TTLL5: variants seen among roughly 807,000 people sequenced by gnomAD.
TTLL5 encodes the protein tubulin polyglutamylase TTLL5.
TTLL5 carries 132 observed loss-of-function variants against 168.4 expected under a neutral mutation model. The ratio of observed to expected loss-of-function variants is 0.78; its 90% CI spans 0.68 to 0.91. The LOEUF (loss-of-function observed/expected upper bound fraction) is 0.91. TTLL5 is among the 40% of genes least tolerant of loss of function. TTLL5 has a pLI of 0.00. For synonymous variants in TTLL5, 546 were observed against 558.6 expected, an observed-to-expected ratio of 0.98 and a Z score of 0.32; for missense variants, 1,545 against 1,581.5, an observed-to-expected ratio of 0.98 and a Z score of 0.39.
chr14:75,694,551 C>G (rs1885694612), intron 6 of TTLL5, among the ~76,000 whole-genome samples: 1 of 152,134 alleles, frequency 6.6e-6, no homozygotes, highest in Non-Finnish European at 1.5e-5. Context: ...CCAGGCTAGT[C>G]TCGAACTCCT....
At position 75,863,678 on chromosome 14, in the gene TTLL5, C is replaced by T. The variant is rs142878395; in HGVS notation, c.3338C>T (p.Thr1113Ile). 6.2e-7 allele frequency: 1 copy of T among 1,609,056 alleles called. No individual in the cohort carries two copies. Among genetic ancestry groups the T allele is most frequent in the African/African-American group, 1.3e-5 (1 of 74,574 alleles). ...GCTTTTCTCTTCAGGAGCCTGCAGA[C>T]AGGGGGATTTGCCTGGGAAGGAGAA... ...SSSPGSRSLQ[T>I]GGFAWEGEVE... The change falls in exon 29 of 32, where the codon ACA becomes ATA. Residue 1113 changes from threonine to isoleucine, a missense_variant. By Grantham distance (89) the Thr-to-Ile change is moderately conservative. Coordinates refer to ENST00000298832, the MANE Select transcript of TTLL5 (RefSeq NM_015072.5).
chr14:75,832,549 C>G (rs181277051), intron 28 of TTLL5, among the ~76,000 whole-genome samples: 2,218 of 152,308 alleles, frequency 0.015, 18 homozygotes, highest in South Asian at 0.026. Flanking sequence ...AAACCAAAGC[C>G]TAATTTTGCT....
At chr14:75,683,775 A>AC in intron 5 of TTLL5, 119 bp downstream of exon 5, 1 of 621,750 alleles carries the variant, frequency 1.6e-6, no homozygotes, top group Non-Finnish European at 2.6e-6. Context: ...AAGAAGAAGG[A>AC]CTTTTTTTTT....
At chr14:75,745,240 G>A (rs748378105) in intron 16 of TTLL5, 32 bp downstream of exon 16, 2 of 1,599,964 alleles carry the variant, frequency 1.3e-6, no homozygotes. Context: ...GCTTTTGTGG[G>A]TTAACACAGG....
At chr14:75,822,345 A>G (rs1345181053) in intron 28 of TTLL5, among the ~76,000 whole-genome samples, 3 of 152,222 alleles carry the variant, frequency 2.0e-5, no homozygotes, top group African/African-American at 7.2e-5. Context: ...TTGGGTAAGC[A>G]TACTTACATA....
intron 24 of TTLL5, 41 bp downstream of exon 24, chr14:75,779,743 G>T: frequency 6.4e-7 from 1 of 1,568,714 alleles, no homozygotes; most frequent in Non-Finnish European, 8.7e-7. Flanking sequence ...AGAAGAACAA[G>T]TGAAGAAATG....
intron 28 of TTLL5, among the ~76,000 whole-genome samples, 182 bp from the exon 29 acceptor site, chr14:75,863,485 T>A (rs147884036): frequency 0.012 from 1,892 of 152,316 alleles, 16 homozygotes; most frequent in Middle Eastern, 0.031. Context: ...AAACAGACCC[T>A]GTCCTTGTCA....
At chr14:75,686,119 C>A (rs986705571) in intron 5 of TTLL5, among the ~76,000 whole-genome samples, 4 of 152,150 alleles carry the variant, frequency 2.6e-5, no homozygotes, top group Admixed American at 2.6e-4. Context: ...GAAATTTGAA[C>A]TGTGGAACAG....
intron 12 of TTLL5, among the ~76,000 whole-genome samples, chr14:75,727,570 G>A (rs1888258357): frequency 6.6e-6 from 1 of 152,176 alleles, no homozygotes; most frequent in South Asian, 2.1e-4. Context: ...GGGAATGTTT[G>A]TTAAAATTGT....
chr14:75,915,850 G>A (rs952203480), intron 31 of TTLL5, among the ~76,000 whole-genome samples: 3 of 151,868 alleles, frequency 2.0e-5, no homozygotes, highest in African/African-American at 2.4e-5. Flanking sequence ...AAAATAAGTC[G>A]GACATGGTGG....
At chr14:75,809,816 A>G (rs1295753485) in intron 27 of TTLL5, among the ~76,000 whole-genome samples, 2 of 151,990 alleles carry the variant, frequency 1.3e-5, no homozygotes, top group African/African-American at 4.8e-5. Flanking sequence ...AGAACATGCA[A>G]TTTTTGTGTT....
intron 31 of TTLL5, among the ~76,000 whole-genome samples, chr14:75,910,754 G>C (rs1272502312): frequency 6.6e-6 from 1 of 152,176 alleles, no homozygotes; most frequent in African/African-American, 2.4e-5. Flanking sequence ...GACTTGAAGT[G>C]TATTGCCCTG....
chr14:75,769,461 G>C (rs1891152444), intron 20 of TTLL5, among the ~76,000 whole-genome samples: 1 of 152,088 alleles, frequency 6.6e-6, no homozygotes, highest in Non-Finnish European at 1.5e-5. Context: ...CAAGTGACTA[G>C]CTGAACAATG....
chr14:75,949,888 AG>A (rs747765970), intron 31 of TTLL5, among the ~76,000 whole-genome samples: 14 of 152,114 alleles, frequency 9.2e-5, no homozygotes, highest in East Asian at 3.8e-4. Flanking sequence ...AGTTTTGTAA[AG>A]ATACCAGTTC....
chr14:75,778,694 A>T (rs1595023914), intron 23 of TTLL5, among the ~76,000 whole-genome samples: 1 of 152,238 alleles, frequency 6.6e-6, no homozygotes, highest in African/African-American at 2.4e-5. Flanking sequence ...CCAAGCTTCA[A>T]GAAAAAGAAA....
Position 75,775,613 on chromosome 14 carries a change from A to G in TTLL5, c.2266A>G (p.Ile756Val). The change falls in exon 22 of 32, where the codon ATC (isoleucine) becomes GTC (valine). Residue 756 changes from isoleucine to valine, a missense_variant. Coordinates refer to ENST00000298832, the MANE Select transcript of TTLL5 (RefSeq NM_015072.5). ...CCTGGCCCACCAGCTGGGTGACTTT[A>G]TCATTGTATACAACAAGGTAAGTCT... is the stretch of plus-strand genomic sequence containing the variant. ...RILAHQLGDF[I>V]IVYNKETEQM... The G allele has an allele frequency of 1.2e-6, 2 of 1,614,068 alleles. No homozygotes were observed. Among genetic ancestry groups the G allele is most frequent in the South Asian group, 2.2e-5 (2 of 91,084 alleles).
At chr14:75,925,119 C>T (rs79066296) in intron 31 of TTLL5, among the ~76,000 whole-genome samples, 102,630 of 127,696 alleles carry the variant, frequency 0.8, 42,055 homozygotes, top group African/African-American at 0.86. Context: ...CCGGACGGGG[C>T]GGCTGGCCGG....
chr14:75,672,101 C>T (rs1284735955), intron 3 of TTLL5, among the ~76,000 whole-genome samples: 1 of 152,056 alleles, frequency 6.6e-6, no homozygotes, highest in Non-Finnish European at 1.5e-5. Context: ...ATGCTTTTTC[C>T]ACATCAACTG....
At chr14:75,790,526 T>G (rs1447587891) in intron 26 of TTLL5, among the ~76,000 whole-genome samples, 2 of 151,438 alleles carry the variant, frequency 1.3e-5, no homozygotes, top group African/African-American at 4.8e-5. Context: ...GGCTGGAGTT[T>G]AGTGGTGCAA....
Sources: allele counts gnomAD v4.1 joint callset (sites outside exome capture counted in the v4.1 genomes callset), GRCh38; gene constraint gnomAD v4.1.1; transcripts MANE v1.5; gene names NCBI Gene and HGNC (gene_info 2026-07-23, HGNC 2026-07-21).